CANX: variants seen among roughly 807,000 people sequenced by gnomAD.
CANX encodes epididymis secretory sperm binding protein.
Under a neutral mutation model 75.7 loss-of-function variants are expected in CANX, and 14 were observed. The observed-to-expected ratio is 0.19, with a 90% CI of 0.12 to 0.29. CANX has a LOEUF of 0.29. Among genes scored for constraint, CANX ranks in the 10% least tolerant of loss-of-function variants. CANX has a pLI of 1.00. For missense variants in CANX, 567 were observed against 713.2 expected (o/e 0.79, Z 2.34); for synonymous variants, 227 against 236.9 (o/e 0.96, Z 0.38).
chr5:179,683,623 T>G (rs535897956), intron 1 of CANX, among the ~76,000 whole-genome samples: 12 of 152,158 alleles, frequency 7.9e-5, no homozygotes, highest in African/African-American at 2.6e-4. Flanking sequence ...AACCTCTGCC[T>G]CCTGGGTTCA....
In CANX at chr5:179,723,725, T is replaced by G; in HGVS notation, c.1464T>G (p.Ile488Met). The G allele has an allele frequency of 1.2e-6, 2 of 1,613,732 alleles. No homozygotes were observed. The highest frequency in any genetic ancestry group is 2.2e-5 in the South Asian group (2 of 91,058). Residue 488 changes from isoleucine (I) to methionine (M), a missense_variant, in exon 12 of 15, where the codon ATT becomes ATG. Transcript: ENST00000247461. ...GCCCGTGGCTGTGGGTAGTCTATAT[T>G]CTAACTGTAGCCCTTCCTGTGTTCC... ...EERPWLWVVYILTVALPVFLV... is the reference protein window; with the variant it reads ...EERPWLWVVYMLTVALPVFLV...
At chr5:179,680,809 C>G in intron 1 of CANX, 2 of 1,348,970 alleles carry the variant, frequency 1.5e-6, no homozygotes, top group Non-Finnish European at 1.0e-6. Flanking sequence ...TCTGTTATGC[C>G]TTCGTTAATT....
rs558907168 is a variant in CANX, at chr5:179,701,736, CTTTTTTTTTTT to C, written c.-4+2651_-4+2661del. Among the ~76,000 whole-genome samples, 21 of 44,008 alleles carry C rather than the reference CTTTTTTTTTTT, an allele frequency of 4.8e-4. No individual in the cohort carries two copies. In the South Asian group the frequency reaches 7.0e-3, roughly 15 times the overall value. The allele number at this position is 44,008 out of a possible 152,430, so 28.9% of individuals were successfully genotyped here. On this transcript the variant is annotated intron_variant, in intron 1 of 14. Coordinates refer to ENST00000247461, the MANE Select transcript of CANX (RefSeq NM_001746.4). ...ATTCTTTGTTACTCCAACAGATGTACTTTTTTTTTTTTTTTTTTTTTTTTTTTGAGACGGAG... is the reference window on the plus strand; with the variant it reads ...ATTCTTTGTTACTCCAACAGATGTACTTTTTTTTTTTTTTTTGAGACGGAG...
chr5:179,720,537 A>G lies in CANX; in HGVS notation c.1159A>G (p.Met387Val), dbSNP rs1380866746. The G allele has an allele frequency of 1.2e-6, 2 of 1,614,092 alleles. No individual in the cohort carries two copies. The highest frequency in any genetic ancestry group is 2.2e-5 in the East Asian group (1 of 44,890). ...TTATAAAGGCAAATGGAAGCCTCCT[A>G]TGATTGACAATCCCAGTTACCAGGT... Reference protein sequence around the residue: ...PNYKGKWKPPMIDNPSYQGIW... With the variant: ...PNYKGKWKPPVIDNPSYQGIW... The change falls in exon 10 of 15, where the codon ATG (methionine) becomes GTG (valine). Residue 387 changes from methionine to valine, a missense_variant. Physicochemically the swap from Met to Val is conservative, Grantham distance 21. Around this residue, in one of 3 missense-constraint regions of CANX, gnomAD observed 49 missense variants for 100.1 expected, o/e 0.49. Coordinates refer to ENST00000247461, the MANE Select transcript of CANX (RefSeq NM_001746.4).
intron 1 of CANX, chr5:179,700,138 G>A (rs1268039313): frequency 6.6e-6 from 1 of 152,184 alleles, no homozygotes; most frequent in Non-Finnish European, 1.5e-5. Flanking sequence ...CAGGACCTGA[G>A]GTCACAGTTA....
Position 179,723,683 on chromosome 5 carries a change from C to G in CANX, c.1422C>G (p.Ile474Met). The G allele has an allele frequency of 1.2e-6, 2 of 1,613,584 alleles. No individual in the cohort carries two copies. The highest frequency in any genetic ancestry group is 2.2e-5 in the East Asian group (1 of 44,864). Residue 474 changes from isoleucine (I) to methionine (M), a missense_variant, in exon 12 of 15, where the codon ATC (isoleucine) becomes ATG (methionine). Physicochemically the swap from Ile to Met is conservative, Grantham distance 10 (BLOSUM62 1). Around this residue, in one of 3 missense-constraint regions of CANX, gnomAD observed 167 missense variants for 179.3 expected, o/e 0.93. Coordinates refer to ENST00000247461, the MANE Select transcript of CANX (RefSeq NM_001746.4). ...AAEPGVVGQM[I>M]EAAEERPWLW... ...AGCCAGGCGTTGTGGGGCAGATGAT[C>G]GAGGCAGCTGAAGAGCGCCCGTGGC...
intron 7 of CANX, among the ~76,000 whole-genome samples, chr5:179,713,191 C>A (rs937752899): frequency 6.6e-6 from 1 of 152,058 alleles, no homozygotes; most frequent in Non-Finnish European, 1.5e-5. Flanking sequence ...CAGTGATTCT[C>A]CCGTCTCAGC....
intron 1 of CANX, among the ~76,000 whole-genome samples, chr5:179,702,031 G>A (rs537001835): frequency 4.6e-5 from 7 of 151,610 alleles, no homozygotes; most frequent in East Asian, 3.9e-4. Context: ...GTGAGCCACC[G>A]CGCTCAGCCT....
At chr5:179,720,865 C>T (rs1291612048) in intron 10 of CANX, among the ~76,000 whole-genome samples, 1 of 152,050 alleles carries the variant, frequency 6.6e-6, no homozygotes, top group Non-Finnish European at 1.5e-5. Flanking sequence ...CTCACTGCAA[C>T]CTCTGCCTTC....
chr5:179,688,849 T>C (rs1776242518), intron 1 of CANX, among the ~76,000 whole-genome samples: 1 of 151,250 alleles, frequency 6.6e-6, no homozygotes, highest in Non-Finnish European at 1.5e-5. Flanking sequence ...CTCCAGGGGC[T>C]GAGGCAAAAG....
chr5:179,682,497 G>C (rs2113026093), intron 1 of CANX, among the ~76,000 whole-genome samples: 1 of 152,120 alleles, frequency 6.6e-6, no homozygotes, highest in Non-Finnish European at 1.5e-5. Context: ...AATCACCTGA[G>C]GTTGGGAGTT....
intron 1 of CANX, among the ~76,000 whole-genome samples, chr5:179,683,829 C>A (rs1456204835): frequency 6.6e-5 from 10 of 152,180 alleles, no homozygotes; most frequent in African/African-American, 2.4e-4. Context: ...CCACCGCGCC[C>A]AGCCTCAGTA....
chr5:179,721,578 A>G (rs1382817936), intron 10 of CANX, among the ~76,000 whole-genome samples: 1 of 152,290 alleles, frequency 6.6e-6, no homozygotes, highest in African/African-American at 2.4e-5. Flanking sequence ...GACTACATCA[A>G]GTCAGCTCAC....
chr5:179,691,723 C>A (rs1581822157), intron 1 of CANX, among the ~76,000 whole-genome samples: 1 of 152,136 alleles, frequency 6.6e-6, no homozygotes, highest in Non-Finnish European at 1.5e-5. Context: ...TCCCTATATA[C>A]TTTCCTTGAG....
chr5:179,703,241 A>G (rs1282629703), intron 1 of CANX, among the ~76,000 whole-genome samples: 12 of 128,672 alleles, frequency 9.3e-5, no homozygotes, highest in East Asian at 2.6e-4. Context: ...TTTTTTTTTG[A>G]GGTGGAGTCT....
chr5:179,690,185 TC>T (rs747851069), intron 1 of CANX, among the ~76,000 whole-genome samples: 1 of 152,208 alleles, frequency 6.6e-6, no homozygotes, highest in Non-Finnish European at 1.5e-5. Flanking sequence ...ATCTTGTTTT[TC>T]CCCATGGAAA....
intron 1 of CANX, chr5:179,680,977 G>T (rs1370738438): frequency 9.7e-6 from 14 of 1,440,628 alleles, no homozygotes; most frequent in Non-Finnish European, 9.4e-7. Flanking sequence ...AGTCCTCACT[G>T]TATGTTGTGC....
intron 7 of CANX, among the ~76,000 whole-genome samples, chr5:179,711,729 C>T (rs1215937599): frequency 6.9e-6 from 1 of 144,510 alleles, no homozygotes; most frequent in Non-Finnish European, 1.5e-5. Context: ...GCGGAGGTTG[C>T]AGTGAGCCAG....
intron 8 of CANX, among the ~76,000 whole-genome samples, chr5:179,717,491 C>T (rs1778037085): frequency 6.6e-6 from 1 of 152,182 alleles, no homozygotes; most frequent in Non-Finnish European, 1.5e-5. Context: ...TGTCCAGTTT[C>T]TTTCATTTAG....
Sources: allele counts gnomAD v4.1 joint callset (sites outside exome capture counted in the v4.1 genomes callset), GRCh38; gene constraint gnomAD v4.1.1; regional missense constraint gnomAD v4.1.1; transcripts MANE v1.5; gene names NCBI Gene and HGNC (gene_info 2026-07-23, HGNC 2026-07-21).